SETMAR: variants seen among roughly 807,000 people sequenced by gnomAD.
SETMAR encodes histone-lysine N-methyltransferase SETMAR.
SETMAR carries 44 observed loss-of-function variants against 58.4 expected under a neutral mutation model. That is an observed-to-expected ratio of 0.75 (90% CI 0.59 to 0.97). The LOEUF (loss-of-function observed/expected upper bound fraction) is 0.97. Among genes scored for constraint, SETMAR ranks in the 50% least tolerant of loss-of-function variants. The probability of loss-of-function intolerance (pLI) is 0.00; values close to 1 mark genes in which losing one functional copy is unlikely to be tolerated. For synonymous variants in SETMAR, 332 were observed against 307.4 expected (o/e 1.08, Z -0.84); for missense variants, 903 against 840.2 (o/e 1.07, Z -0.92).
At chr3:4,311,036 A>T (rs1265905315) in intron 1 of SETMAR, among the ~76,000 whole-genome samples, 1 of 152,230 alleles carries the variant, frequency 6.6e-6, no homozygotes, top group Non-Finnish European at 1.5e-5. Context: ...TTATCCATTT[A>T]GGATATTCCT....
At position 4,303,447 on chromosome 3, in the gene SETMAR, A is replaced by C. The variant is rs769305635; in HGVS notation, c.77A>C (p.Glu26Ala). Residue 26 changes from glutamate to alanine, a missense_variant, in exon 1 of 3, where the codon GAG (glutamate) becomes GCG (alanine). Coordinates refer to ENST00000358065, the MANE Select transcript of SETMAR (RefSeq NM_006515.4). Reference protein sequence around the residue: ...EFKEKPEAPTEQLDVACGQEN... With the variant: ...EFKEKPEAPTAQLDVACGQEN... ...AAGGAGAAGCCTGAGGCCCCGACTG[A>C]GCAGCTGGATGTCGCGTGCGGCCAG... 6.5e-7 allele frequency: 1 copy of C among 1,547,416 alleles called. No individual in the cohort carries two copies. Among genetic ancestry groups the C allele is most frequent in the South Asian group, 1.2e-5 (1 of 80,896 alleles).
rs749486389 is a variant in SETMAR, at chr3:4,316,471, C to T, written c.1280C>T (p.Thr427Ile). ...GCAATCATCGAAGCTGATCCCCTTA[C>T]AACTACACGAGAAGTTGCTGAAGAA... ...LRAIIEADPL[T>I]TTREVAEELN... The change falls in exon 3 of 3, where the codon ACA becomes ATA. Residue 427 changes from threonine (T) to isoleucine (I), a missense_variant. Thr to Ile is a moderately conservative substitution (Grantham distance 89). Transcript: ENST00000358065. 1 of 1,604,450 alleles carries T rather than the reference C, an allele frequency of 6.2e-7. No individual in the cohort carries two copies. Among genetic ancestry groups the T allele is most frequent in the Non-Finnish European group, 8.5e-7 (1 of 1,175,564 alleles).
chr3:4,306,094 C>T (rs560625879), intron 1 of SETMAR, among the ~76,000 whole-genome samples: 5 of 152,262 alleles, frequency 3.3e-5, no homozygotes, highest in African/African-American at 1.2e-4. Context: ...CGCACTCTAC[C>T]CTCAAGGTGT....
Position 4,316,874 on chromosome 3 carries a change from G to C in SETMAR, c.1683G>C (p.Gln561His). ...GETITSEKYA[Q>H]EIDEMNQKLQ... ...CCATTACATCTGAGAAGTATGCTCA[G>C]GAAATCGATGAGATGAACCAAAAAC... Residue 561 changes from glutamine to histidine, a missense_variant, in exon 3 of 3, where the codon CAG becomes CAC. Coordinates refer to ENST00000358065, the MANE Select transcript of SETMAR (RefSeq NM_006515.4). 11 of 1,549,448 alleles carry C rather than the reference G, an allele frequency of 7.1e-6. No homozygotes were observed. The highest frequency in any genetic ancestry group is 9.6e-6 in the Non-Finnish European group (11 of 1,146,742).
chr3:4,309,162 C>A (rs186518472), intron 1 of SETMAR, among the ~76,000 whole-genome samples: 1 of 152,186 alleles, frequency 6.6e-6, no homozygotes, highest in East Asian at 1.9e-4. Flanking sequence ...GGTTTATTAT[C>A]ATGCAGGTGA....
At chr3:4,316,116 AT>A (rs2125107665) in intron 2 of SETMAR, 95 bp from the exon 3 acceptor site, 2 of 557,698 alleles carry the variant, frequency 3.6e-6, no homozygotes. Flanking sequence ...ATTGGAATAC[AT>A]TCTTAAATGT....
intron 2 of SETMAR, among the ~76,000 whole-genome samples, chr3:4,315,762 T>C (rs1698611781): frequency 6.6e-6 from 1 of 152,038 alleles, no homozygotes; most frequent in African/African-American, 2.4e-5. Context: ...TTTTAAAAGA[T>C]GGGGCTGGGT....
rs556234122 is a variant in SETMAR, at chr3:4,313,667, A to G, written c.926A>G (p.Glu309Gly). The G allele has an allele frequency of 9.3e-6, 15 of 1,614,016 alleles. No homozygotes were observed. The Admixed American group carries it at 1.0e-4, about 11-fold the overall frequency. The change falls in exon 2 of 3, where the codon GAA (glutamate) becomes GGA (glycine). Residue 309 changes from glutamate (E) to glycine (G), a missense_variant. Physicochemically the swap from Glu to Gly is moderately conservative, Grantham distance 98. Coordinates refer to ENST00000358065, the MANE Select transcript of SETMAR (RefSeq NM_006515.4). ...PFDSSLYCPV[E>G]KSNISCGNEK... is the part of the protein sequence containing the mutation. ...GACAGTTCTCTGTACTGCCCCGTAG[A>G]AAAGTCGAACATCAGTTGTGGAAAT...
In SETMAR at chr3:4,313,293, A is replaced by G; in HGVS notation, c.552A>G (p.Leu184=). Residue 184 remains leucine (L), a synonymous_variant, in exon 2 of 3, where the codon TTA becomes TTG. Transcript: ENST00000358065. ...GFSEVQRRIH[L]QTKSDSNYII... The stretch of plus-strand genomic sequence containing the variant: ...CTGAAGTTCAGAGAAGAATTCACTT[A>G]CAAACAAAATCCGACTCCAATTACA... The G allele has an allele frequency of 6.2e-7, 1 of 1,613,986 alleles. No homozygotes were observed. Among genetic ancestry groups the G allele is most frequent in the East Asian group, 2.2e-5 (1 of 44,884 alleles).
chr3:4,305,196 C>T (rs1423156156), intron 1 of SETMAR, among the ~76,000 whole-genome samples: 1 of 152,116 alleles, frequency 6.6e-6, no homozygotes. Context: ...AGCGATTCTT[C>T]CACCTCAGCT....
At chr3:4,310,169 A>G (rs539459323) in intron 1 of SETMAR, among the ~76,000 whole-genome samples, 1 of 152,344 alleles carries the variant, frequency 6.6e-6, no homozygotes, top group Non-Finnish European at 1.5e-5. Flanking sequence ...TGGTCTGACC[A>G]AAAAGTCATT....
rs1575083106 is a variant in SETMAR at position 4,313,216 on chromosome 3, A to G, written c.475A>G (p.Ile159Val). ...CTGGGGACTTCGTACCTTGGAATTT[A>G]TACCGAAAGGAAGGTTTGTCTGTGA... Reference protein sequence around the residue: ...KGWGLRTLEFIPKGRFVCEYA... With the variant: ...KGWGLRTLEFVPKGRFVCEYA... Residue 159 changes from isoleucine to valine, a missense_variant, in exon 2 of 3, where the codon ATA becomes GTA. Coordinates refer to ENST00000358065, the MANE Select transcript of SETMAR (RefSeq NM_006515.4). The G allele has an allele frequency of 6.2e-7, 1 of 1,613,866 alleles. No homozygotes were observed. Among genetic ancestry groups the G allele is most frequent in the South Asian group, 1.1e-5 (1 of 91,086 alleles).
chr3:4,314,631 A>C (rs1427279494), intron 2 of SETMAR, among the ~76,000 whole-genome samples: 2 of 152,192 alleles, frequency 1.3e-5, no homozygotes, highest in Admixed American at 1.3e-4. Context: ...TCAAAACTTC[A>C]AACAGCCTCA....
intron 1 of SETMAR, among the ~76,000 whole-genome samples, chr3:4,310,335 A>G (rs1479410950): frequency 6.6e-6 from 1 of 152,246 alleles, no homozygotes; most frequent in Non-Finnish European, 1.5e-5. Flanking sequence ...CAGATGTTAA[A>G]TTAGACTAAA....
Position 4,303,377 on chromosome 3 carries a change from G to A in SETMAR, c.7G>A (p.Ala3Thr), listed in dbSNP as rs757728412. 6 of 1,548,778 alleles carry A rather than the reference G, an allele frequency of 3.9e-6. No homozygotes were observed. The highest frequency in any genetic ancestry group is 1.2e-5 in the South Asian group (1 of 81,424). ...CGTTGCGTGAGGCGGGTAAATGTTC[G>A]CGGAAGCGGCAAAGACGACACGGCC... is the stretch of plus-strand genomic sequence containing the variant. The part of the protein sequence containing the change: MF[A>T]EAAKTTRPCG... The change falls in exon 1 of 3, where the codon GCG (alanine) becomes ACG (threonine). Residue 3 changes from alanine (A) to threonine (T), a missense_variant. By Grantham distance (58) the Ala-to-Thr change is moderately conservative (BLOSUM62 0). Transcript: ENST00000358065.
intron 2 of SETMAR, among the ~76,000 whole-genome samples, chr3:4,315,449 C>A (rs1313645748): frequency 6.6e-6 from 1 of 152,134 alleles, no homozygotes; most frequent in African/African-American, 2.4e-5. Context: ...CACAAACAGC[C>A]CCCTCCAACT....
rs1250077702 is a variant in SETMAR at position 4,316,573 on chromosome 3, C to T, written c.1382C>T (p.Pro461Leu). 1 of 1,552,708 alleles carries T rather than the reference C, an allele frequency of 6.4e-7. No individual in the cohort carries two copies. ...GTGAAAAAGCTCGATAAGTGGGTGCCTCATGAGCTGACTGAAAATCAAAAA... is the reference window on the plus strand; with the variant it reads ...GTGAAAAAGCTCGATAAGTGGGTGCTTCATGAGCTGACTGAAAATCAAAAA... ...GKVKKLDKWVPHELTENQKNR... is the reference protein window; with the variant it reads ...GKVKKLDKWVLHELTENQKNR... The change falls in exon 3 of 3, where the codon CCT (proline) becomes CTT (leucine). Residue 461 changes from proline (P) to leucine (L), a missense_variant. Transcript: ENST00000358065.
chr3:4,316,096 G>T, intron 2 of SETMAR, 116 bp from the exon 3 acceptor site: 1 of 513,190 alleles, frequency 1.9e-6, no homozygotes, highest in Non-Finnish European at 3.5e-6. Flanking sequence ...GTTGGAATTT[G>T]GTATTTGATA....
intron 1 of SETMAR, among the ~76,000 whole-genome samples, chr3:4,304,329 A>G (rs1344599531): frequency 6.6e-6 from 1 of 152,114 alleles, no homozygotes; most frequent in African/African-American, 2.4e-5. Context: ...TTTAGTAGAG[A>G]CAGGGTTTCT....
Sources: gnomAD v4.1 joint callset for allele counts (sites outside exome capture counted in the v4.1 genomes callset) on GRCh38, gnomAD v4.1.1 for gene constraint, MANE v1.5 for transcripts, NCBI Gene and HGNC (gene_info 2026-07-23, HGNC 2026-07-21) for gene names.